Variants in WDPCP observed in about 807,000 individuals in gnomAD.
The protein encoded by WDPCP is WD repeat-containing and planar cell polarity effector protein fritz homolog.
A neutral mutation model predicts 93.1 loss-of-function variants in WDPCP; 71 were observed. The ratio of observed to expected loss-of-function variants is 0.76; its 90% CI spans 0.63 to 0.93. WDPCP has a LOEUF of 0.93. WDPCP is among the 40% of genes least tolerant of loss of function. WDPCP has a pLI of 0.00. For missense variants in WDPCP, 844 were observed against 887.4 expected (o/e 0.95, Z 0.62); for synonymous variants, 315 against 315.0 (o/e 1.00, Z 0.00).
rs141403670 is a variant in WDPCP at position 63,652,003 on chromosome 2, T to C, written n.309-1165A>G. 6.6e-4 allele frequency among the ~76,000 whole-genome samples: 100 copies of C among 152,292 alleles called. 2 individuals are homozygous for C. In the East Asian group the frequency reaches 0.014, roughly 22 times the overall value. Reference sequence around the variant, plus strand: ...CAGCCTAATTTAAGCCGTGGCTCCATATGGAGAAAAAGATTAATTTAAACC... The same window carrying C: ...CAGCCTAATTTAAGCCGTGGCTCCACATGGAGAAAAAGATTAATTTAAACC... On this transcript the variant is annotated intron_variant and non_coding_transcript_variant, in intron 2 of 4. Coordinates refer to the WDPCP transcript ENST00000467687.
chr2:63,611,079 C>A (rs1478864753), intron 3 of WDPCP, among the ~76,000 whole-genome samples: 7 of 152,106 alleles, frequency 4.6e-5, no homozygotes, highest in African/African-American at 1.7e-4. Flanking sequence ...GCTTAGGTGA[C>A]AGTGCAAGAC....
intron 1 of WDPCP, among the ~76,000 whole-genome samples, chr2:63,569,549 T>A (rs546276847): frequency 1.3e-4 from 20 of 152,150 alleles, no homozygotes; most frequent in African/African-American, 4.8e-4. Context: ...GACGGGAAGG[T>A]CCAAAGATTA....
upstream of WDPCP, chr2:63,590,917 G>GT (rs1709190063): frequency 6.6e-6 from 1 of 152,232 alleles, no homozygotes; most frequent in African/African-American, 2.4e-5. Context: ...TTCTTTGCTT[G>GT]TTGTCTGTAG....
chr2:63,328,427 C>T (rs757938696), intron 12 of WDPCP, among the ~76,000 whole-genome samples: 2 of 152,158 alleles, frequency 1.3e-5, no homozygotes, highest in Admixed American at 6.5e-5. Flanking sequence ...TCTGCAGCTT[C>T]ACTCCTGAAG....
intron 1 of WDPCP, among the ~76,000 whole-genome samples, chr2:63,563,688 T>G (rs1706807156): frequency 6.6e-6 from 1 of 152,072 alleles, no homozygotes; most frequent in Non-Finnish European, 1.5e-5. Flanking sequence ...CAGGTTAAAT[T>G]GAGGTCATAA....
chr2:63,231,841 A>T (rs1678918008), intron 14 of WDPCP, among the ~76,000 whole-genome samples: 1 of 152,206 alleles, frequency 6.6e-6, no homozygotes, highest in Non-Finnish European at 1.5e-5. Context: ...TTTAAAGTTC[A>T]TATGGAGACA....
rs1333546210 is a variant in WDPCP at position 63,783,241 on chromosome 2, G to A, written n.308+30381C>T. Among the ~76,000 whole-genome samples the A allele has an allele frequency of 5.3e-5, 8 of 151,492 alleles. No individual in the cohort carries two copies. The East Asian group carries it at 1.4e-3, about 26-fold the overall frequency. On this transcript the variant is annotated intron_variant and non_coding_transcript_variant, in intron 2 of 4. Transcript: ENST00000467687. ...AGCCTGGACAATATGGCAAGACTCT[G>A]TCTCTACAAAAAAAAAAAATTAAAA...
chr2:63,358,086 G>A (rs1475829755), intron 12 of WDPCP, among the ~76,000 whole-genome samples: 1 of 152,080 alleles, frequency 6.6e-6, no homozygotes, highest in Non-Finnish European at 1.5e-5. Context: ...TCTACTTGAG[G>A]GTGGAGGTGG....
At chr2:63,325,284 T>C (rs1001684937) in intron 12 of WDPCP, among the ~76,000 whole-genome samples, 2 of 152,118 alleles carry the variant, frequency 1.3e-5, no homozygotes, top group Admixed American at 6.5e-5. Flanking sequence ...TTAAAAAAGA[T>C]TGCCCAATGA....
At chr2:63,368,410 C>G in intron 12 of WDPCP, among the ~76,000 whole-genome samples, 1 of 151,978 alleles carries the variant, frequency 6.6e-6, no homozygotes. Context: ...ACTGCAGCCT[C>G]CACCTCCCAG....
At chr2:63,230,733 T>G (rs1678789673) in intron 14 of WDPCP, among the ~76,000 whole-genome samples, 1 of 152,234 alleles carries the variant, frequency 6.6e-6, no homozygotes, top group Non-Finnish European at 1.5e-5. Flanking sequence ...CATAAATGTC[T>G]TCTTTTGAGA....
chr2:63,330,867 C>CTTT (rs70965119), intron 12 of WDPCP, among the ~76,000 whole-genome samples: 21 of 86,860 alleles, frequency 2.4e-4, no homozygotes, highest in East Asian at 6.3e-4. Flanking sequence ...TTCCCCAAGG[C>CTTT]TTTTTTTTTT....
chr2:63,300,686 G>A (rs1394957795), intron 13 of WDPCP, among the ~76,000 whole-genome samples: 1 of 152,202 alleles, frequency 6.6e-6, no homozygotes, highest in Non-Finnish European at 1.5e-5. Flanking sequence ...AATATTGTTT[G>A]GCAATATCAG....
chr2:63,600,959 G>A (rs142347991), intron 3 of WDPCP, among the ~76,000 whole-genome samples: 2 of 152,318 alleles, frequency 1.3e-5, no homozygotes, highest in African/African-American at 4.8e-5. Context: ...TTCACCTGAG[G>A]CTTTGGTGGA....
intron 13 of WDPCP, among the ~76,000 whole-genome samples, chr2:63,283,431 A>C (rs1683724096): frequency 6.6e-6 from 1 of 152,242 alleles, no homozygotes; most frequent in Non-Finnish European, 1.5e-5. Context: ...ATGTTGATAA[A>C]GCGCAGCCTG....
intron 2 of WDPCP, among the ~76,000 whole-genome samples, chr2:63,733,215 C>T (rs1204181303): frequency 1.1e-4 from 12 of 105,532 alleles, no homozygotes; most frequent in Admixed American, 2.5e-4. Context: ...TTTTTTAAGA[C>T]GGAGTCTCGC....
chr2:63,337,083 G>A (rs1441215516), intron 12 of WDPCP, among the ~76,000 whole-genome samples: 2 of 152,088 alleles, frequency 1.3e-5, no homozygotes, highest in South Asian at 4.1e-4. Context: ...TAGTAGAGAT[G>A]GGGTTTTACC....
chr2:63,569,006 T>C (rs373205471), intron 1 of WDPCP, among the ~76,000 whole-genome samples: 1 of 152,228 alleles, frequency 6.6e-6, no homozygotes, highest in East Asian at 1.9e-4. Context: ...GGAAAGTCTT[T>C]GAAGAGGAAT....
chr2:63,607,049 A>T, intron 3 of WDPCP: 1 of 1,468,344 alleles, frequency 6.8e-7, no homozygotes, highest in Non-Finnish European at 9.2e-7. Context: ...CTTTGACTCA[A>T]GTACCAAATA....
Sources: gnomAD v4.1 joint callset for allele counts (sites outside exome capture counted in the v4.1 genomes callset) on GRCh38, gnomAD v4.1.1 for gene constraint, MANE v1.5 for transcripts, NCBI Gene and HGNC (gene_info 2026-07-23, HGNC 2026-07-21) for gene names.